Variants in CFAP58 observed in about 807,000 individuals in gnomAD.
CFAP58 encodes the protein cilia and flagella associated protein 58.
A neutral mutation model predicts 119.5 loss-of-function variants in CFAP58; 88 were observed. That is an observed-to-expected ratio of 0.74 (90% CI 0.62 to 0.88). The LOEUF (loss-of-function observed/expected upper bound fraction) is 0.88. Among genes scored for constraint, CFAP58 ranks in the 40% least tolerant of loss-of-function variants. The pLI, the probability that CFAP58 is intolerant of heterozygous loss-of-function variation, is 0.00. For missense variants in CFAP58, 990 were observed against 1,021.2 expected (o/e 0.97, Z 0.42); for synonymous variants, 365 against 366.3 (o/e 1.00, Z 0.04).
intron 15 of CFAP58, among the ~76,000 whole-genome samples, chr10:104,426,777 G>A (rs1348984661): frequency 6.6e-6 from 1 of 152,086 alleles, no homozygotes; most frequent in Non-Finnish European, 1.5e-5. Context: ...TTGCATACTT[G>A]TTTGTATCCA....
At chr10:104,444,518 T>A (rs1200131349) in intron 15 of CFAP58, among the ~76,000 whole-genome samples, 1 of 152,232 alleles carries the variant, frequency 6.6e-6, no homozygotes, top group African/African-American at 2.4e-5. Context: ...AAGAGCTTGG[T>A]TGGCCCTTGT....
At chr10:104,447,955 C>A in intron 16 of CFAP58, 138 bp downstream of exon 16, 1 of 1,097,366 alleles carries the variant, frequency 9.1e-7, no homozygotes, top group Non-Finnish European at 1.3e-6. Flanking sequence ...CCTTAGAGCT[C>A]TAGTCTAGGA....
chr10:104,430,321 C>T (rs764915541), intron 15 of CFAP58, among the ~76,000 whole-genome samples: 1 of 152,192 alleles, frequency 6.6e-6, no homozygotes, highest in Non-Finnish European at 1.5e-5. Flanking sequence ...AAAAAGGGAG[C>T]AGCCCCAGGA....
chr10:104,348,452 T>A, the CFAP58 span, among the ~76,000 whole-genome samples: 4 of 152,196 alleles, frequency 2.6e-5, no homozygotes. Context: ...TATCCAGGTT[T>A]AAATAAGGAG....
intron 12 of CFAP58, among the ~76,000 whole-genome samples, 177 bp from the exon 13 acceptor site, chr10:104,400,503 A>G (rs1319710825): frequency 6.6e-6 from 1 of 151,630 alleles, no homozygotes; most frequent in Non-Finnish European, 1.5e-5. Flanking sequence ...GTTTTCAAAA[A>G]CTCTAATGGG....
the CFAP58 span, among the ~76,000 whole-genome samples, chr10:104,343,685 CT>C: frequency 6.6e-6 from 1 of 152,142 alleles, no homozygotes; most frequent in African/African-American, 2.4e-5. Flanking sequence ...ATGTTAACCT[CT>C]TTTGAAAAAA....
At chr10:104,436,760 C>T (rs2012941715) in intron 15 of CFAP58, among the ~76,000 whole-genome samples, 1 of 152,190 alleles carries the variant, frequency 6.6e-6, no homozygotes, top group Admixed American at 6.5e-5. Context: ...CAGCTTCTAA[C>T]TGCCTATCAT....
chr10:104,417,662 A>C (rs187127456), intron 15 of CFAP58, among the ~76,000 whole-genome samples: 266 of 152,352 alleles, frequency 1.7e-3, no homozygotes, highest in African/African-American at 6.0e-3. Context: ...TGAAGAGTAG[A>C]GGGAAATGGC....
intron 1 of CFAP58, among the ~76,000 whole-genome samples, chr10:104,356,440 G>C (rs948740250): frequency 6.6e-5 from 10 of 152,206 alleles, no homozygotes; most frequent in African/African-American, 2.4e-4. Flanking sequence ...CTTTTAGCAA[G>C]AGAGTGTTGA....
rs759796810 is a variant in CFAP58 at position 104,399,405 on chromosome 10, T to G, written c.1720T>G (p.Phe574Val). The G allele has an allele frequency of 1.2e-6, 2 of 1,613,946 alleles. No homozygotes were observed. The highest frequency in any genetic ancestry group is 1.7e-6 in the Non-Finnish European group (2 of 1,179,926). ...LRQQALETKH[F>V]IEKQEAEERK... Reference sequence around the variant, plus strand: ...ACAACAAGCCCTGGAGACAAAACACTTTATTGAAAAGCAAGAAGCTGAAGA... The same window carrying G: ...ACAACAAGCCCTGGAGACAAAACACGTTATTGAAAAGCAAGAAGCTGAAGA... The change falls in exon 12 of 18, where the codon TTT becomes GTT. Residue 574 changes from phenylalanine to valine, a missense_variant. Physicochemically the swap from Phe to Val is conservative, Grantham distance 50. Coordinates refer to ENST00000369704, the MANE Select transcript of CFAP58 (RefSeq NM_001008723.2).
At chr10:104,400,952 G>A (rs777932481) in intron 13 of CFAP58, 49 bp downstream of exon 13, 3 of 1,390,162 alleles carry the variant, frequency 2.2e-6, no homozygotes, top group Admixed American at 1.8e-5. Flanking sequence ...AACGTGGGGA[G>A]CTCCTAAAAT....
At chr10:104,396,021 T>C (rs2012146419) in intron 11 of CFAP58, among the ~76,000 whole-genome samples, 1 of 152,240 alleles carries the variant, frequency 6.6e-6, no homozygotes, top group Admixed American at 6.5e-5. Context: ...CTGAGGATCC[T>C]GTACACTGTC....
intron 15 of CFAP58, among the ~76,000 whole-genome samples, chr10:104,424,250 G>C (rs926144053): frequency 6.6e-6 from 1 of 152,178 alleles, no homozygotes; most frequent in African/African-American, 2.4e-5. Context: ...CTTCTCTGGA[G>C]CCGGTGCCAA....
Position 104,358,738 on chromosome 10 carries a change from A to G in CFAP58, c.291+116A>G, listed in dbSNP as rs146764973. 4.5e-4 allele frequency: 403 copies of G among 903,006 alleles called. 1 individual carries two copies. The African/African-American group carries it at 6.3e-3, about 14-fold the overall frequency. The allele number at this position is 903,006 out of a possible 1,614,324, so 55.9% of individuals were successfully genotyped here. On this transcript the variant is annotated intron_variant, in intron 2 of 17. Transcript: ENST00000369704. ...ATTAGGTAAAAATTTACATGATTTTATATTCATTAAGCCTAAGGAATAATG... is the reference window on the plus strand; with the variant it reads ...ATTAGGTAAAAATTTACATGATTTTGTATTCATTAAGCCTAAGGAATAATG...
Position 104,388,044 on chromosome 10 carries a change from A to G in CFAP58, c.1366-4189A>G, listed in dbSNP as rs193302785. Among the ~76,000 whole-genome samples the G allele has an allele frequency of 6.6e-5, 10 of 152,352 alleles. No homozygotes were observed. The East Asian group carries it at 1.9e-3, about 29-fold the overall frequency. On this transcript the variant is annotated intron_variant, in intron 9 of 17. Transcript: ENST00000369704. ...TTGTCCACTAGATAGATATCTTCAT[A>G]ATGAAATAAAGCTCCTGTTTCATTG...
chr10:104,415,364 G>C (rs1273074248), intron 15 of CFAP58, among the ~76,000 whole-genome samples: 2 of 152,138 alleles, frequency 1.3e-5, no homozygotes, highest in Non-Finnish European at 2.9e-5. Context: ...ATTCCTCTGA[G>C]GAATCACACA....
chr10:104,438,223 C>G (rs920542117), intron 15 of CFAP58, among the ~76,000 whole-genome samples: 1 of 152,168 alleles, frequency 6.6e-6, no homozygotes, highest in Non-Finnish European at 1.5e-5. Context: ...CTCATAACTT[C>G]AGTGGGTTGG....
chr10:104,348,469 A>G, the CFAP58 span, among the ~76,000 whole-genome samples: 2 of 152,216 alleles, frequency 1.3e-5, no homozygotes, highest in African/African-American at 4.8e-5. Flanking sequence ...GGAGCTTTGC[A>G]GAGGTAGTAT....
At chr10:104,358,080 T>TATATACACACATATATATGTAC (rs1236529870) in intron 1 of CFAP58, among the ~76,000 whole-genome samples, 7 of 149,356 alleles carry the variant, frequency 4.7e-5, no homozygotes, top group Non-Finnish European at 1.0e-4. Flanking sequence ...TATGTACATA[T>TATATACACACATATATATGTAC]ATATACACAC....
Sources: allele counts gnomAD v4.1 joint callset (sites outside exome capture counted in the v4.1 genomes callset), GRCh38; gene constraint gnomAD v4.1.1; transcripts MANE v1.5; gene names NCBI Gene and HGNC (gene_info 2026-07-23, HGNC 2026-07-21).